NCKAP5: variants seen among roughly 807,000 people sequenced by gnomAD.
NCKAP5 encodes the protein NCK associated protein 5.
A neutral mutation model predicts 167.0 loss-of-function variants in NCKAP5; 92 were observed. The ratio of observed to expected loss-of-function variants is 0.55; its 90% confidence interval spans 0.47 to 0.66. The LOEUF is 0.66. Among genes scored for constraint, NCKAP5 ranks in the 30% least tolerant of loss-of-function variants. The probability of loss-of-function intolerance (pLI) is 0.00; values close to 1 mark genes in which losing one functional copy is unlikely to be tolerated. For synonymous variants in NCKAP5, 891 were observed against 877.4 expected (o/e 1.02, Z -0.27); for missense variants, 2,378 against 2,315.0 (o/e 1.03, Z -0.56).
intron 3 of NCKAP5, among the ~76,000 whole-genome samples, chr2:133,312,845 C>T (rs934265): frequency 0.13 from 19,184 of 152,122 alleles, 1,219 homozygotes; most frequent in South Asian, 0.14. Context: ...CTGTGAAATA[C>T]GAAGCAGCAG....
the NCKAP5 span, among the ~76,000 whole-genome samples, chr2:133,626,061 A>G: frequency 0.033 from 4,975 of 152,296 alleles, 114 homozygotes; most frequent in Non-Finnish European, 0.05. Flanking sequence ...TATTTTATAA[A>G]TTGCATCACA....
intron 7 of NCKAP5, among the ~76,000 whole-genome samples, chr2:132,980,405 A>G (rs2077100166): frequency 6.6e-6 from 1 of 152,146 alleles, no homozygotes; most frequent in East Asian, 1.9e-4. Flanking sequence ...GAACCAGCAC[A>G]TTAGTGTTTT....
the NCKAP5 span, among the ~76,000 whole-genome samples, chr2:133,635,883 C>T: frequency 6.6e-6 from 1 of 152,154 alleles, no homozygotes; most frequent in Non-Finnish European, 1.5e-5. Flanking sequence ...ATGAGCCAAA[C>T]CTTTACCAGG....
chr2:132,712,643 T>A (rs2566522), intron 19 of NCKAP5, among the ~76,000 whole-genome samples: 2 of 151,684 alleles, frequency 1.3e-5, no homozygotes, highest in Non-Finnish European at 2.9e-5. Context: ...CAGAGTGAGA[T>A]TCTGTCTCAA....
At chr2:133,153,544 A>G (rs188955850) in intron 5 of NCKAP5, among the ~76,000 whole-genome samples, 2 of 152,274 alleles carry the variant, frequency 1.3e-5, no homozygotes, top group East Asian at 1.9e-4. Context: ...ACTCAAATCT[A>G]TTCAGGTTAA....
chr2:132,808,369 C>T (rs7592779), intron 11 of NCKAP5, among the ~76,000 whole-genome samples: 65,493 of 151,852 alleles, frequency 0.43, 16,670 homozygotes, highest in African/African-American at 0.7. Flanking sequence ...TAGAATTCTG[C>T]TATGAATCCA....
chr2:133,195,741 A>G (rs1453233466), intron 5 of NCKAP5, among the ~76,000 whole-genome samples: 1 of 152,214 alleles, frequency 6.6e-6, no homozygotes, highest in Non-Finnish European at 1.5e-5. Flanking sequence ...AGGCAATTCA[A>G]CCCATAAGAG....
intron 7 of NCKAP5, among the ~76,000 whole-genome samples, chr2:132,967,202 TAC>T (rs1422730800): frequency 4.2e-5 from 5 of 120,106 alleles, no homozygotes; most frequent in Admixed American, 7.7e-5. Flanking sequence ...CACACACACA[TAC>T]ACACACACAT....
intron 19 of NCKAP5, among the ~76,000 whole-genome samples, chr2:132,694,595 G>A (rs954220128): frequency 6.6e-6 from 1 of 152,150 alleles, no homozygotes; most frequent in African/African-American, 2.4e-5. Flanking sequence ...CCCACAATAT[G>A]CTAGGGGAAA....
chr2:132,699,853 G>A (rs1312817522), intron 19 of NCKAP5, among the ~76,000 whole-genome samples: 1 of 152,210 alleles, frequency 6.6e-6, no homozygotes, highest in Non-Finnish European at 1.5e-5. Flanking sequence ...CCAGTAATGG[G>A]ATGGCTGGGT....
chr2:132,891,633 C>G (rs1384418176), intron 8 of NCKAP5, among the ~76,000 whole-genome samples: 1 of 152,106 alleles, frequency 6.6e-6, no homozygotes, highest in Non-Finnish European at 1.5e-5. Flanking sequence ...GTGAGTAGAA[C>G]AGAAAAAAAC....
intron 5 of NCKAP5, among the ~76,000 whole-genome samples, chr2:133,137,817 A>G (rs1559180046): frequency 1.3e-5 from 2 of 152,348 alleles, no homozygotes; most frequent in East Asian, 3.9e-4. Context: ...TTCTTAGCAA[A>G]GCAATTTTAC....
intron 3 of NCKAP5, among the ~76,000 whole-genome samples, chr2:133,426,168 G>A (rs1421718917): frequency 6.6e-6 from 1 of 152,088 alleles, no homozygotes; most frequent in Non-Finnish European, 1.5e-5. Context: ...TACTTGGGAG[G>A]CTGAGGCAGG....
At chr2:133,208,232 A>T (rs971258846) in intron 5 of NCKAP5, among the ~76,000 whole-genome samples, 3 of 152,136 alleles carry the variant, frequency 2.0e-5, no homozygotes, top group Non-Finnish European at 4.4e-5. Flanking sequence ...CCAATTACTC[A>T]GGAAGCTGAG....
chr2:132,874,895 G>GTTTATTTTATTTTATTTTATTTTAT (rs72377677), intron 9 of NCKAP5, among the ~76,000 whole-genome samples: 4 of 150,290 alleles, frequency 2.7e-5, no homozygotes, highest in African/African-American at 7.4e-5. Flanking sequence ...CTGGGATATG[G>GTTTATTTTATTTTATTTTATTTTAT]TTTATTTTAT....
At chr2:133,225,054 A>G (rs766887309) in intron 4 of NCKAP5, among the ~76,000 whole-genome samples, 2 of 152,060 alleles carry the variant, frequency 1.3e-5, no homozygotes, top group Non-Finnish European at 2.9e-5. Flanking sequence ...CCACCCTGAT[A>G]TTTCTTCTTT....
chr2:133,231,104 G>A (rs1351389057), intron 4 of NCKAP5, among the ~76,000 whole-genome samples: 2 of 152,134 alleles, frequency 1.3e-5, no homozygotes, highest in Non-Finnish European at 1.5e-5. Flanking sequence ...GAAGGTCTTC[G>A]AGAACAATAC....
At chr2:133,543,439 G>A (rs1377010033) in intron 2 of NCKAP5, among the ~76,000 whole-genome samples, 1 of 152,182 alleles carries the variant, frequency 6.6e-6, no homozygotes, top group East Asian at 1.9e-4. Flanking sequence ...ACTCAGCACA[G>A]TACCAAGTAA....
In NCKAP5 at chr2:133,455,019, T is replaced by C. The variant is rs148947329; in HGVS notation, c.69+62439A>G. 3.4e-3 allele frequency among the ~76,000 whole-genome samples: 525 copies of C among 152,190 alleles called. 6 individuals are homozygous for C. Among genetic ancestry groups the C allele is most frequent in the African/African-American group, 0.011 (465 of 41,556 alleles). On this transcript the variant is annotated intron_variant, in intron 3 of 19. Transcript: ENST00000409261. ...AATGTTTAAATAATATTAAAAAATATTTCGTGTTGACTTGTATCTGAGTCT... is the reference window on the plus strand; with the variant it reads ...AATGTTTAAATAATATTAAAAAATACTTCGTGTTGACTTGTATCTGAGTCT...
Sources: allele counts gnomAD v4.1 joint callset (sites outside exome capture counted in the v4.1 genomes callset), GRCh38; gene constraint gnomAD v4.1.1; transcripts MANE v1.5; gene names NCBI Gene and HGNC (gene_info 2026-07-23, HGNC 2026-07-21).